Variants in GRK5 observed in about 807,000 individuals in gnomAD.
GRK5 encodes the protein g protein-coupled receptor kinase GRK5.
In GRK5, 40 loss-of-function variants were observed where a neutral mutation model predicts 78.4. The ratio of observed to expected loss-of-function variants is 0.51; its 90% CI spans 0.40 to 0.66. The LOEUF is 0.66. GRK5 is among the 30% of genes least tolerant of loss of function. The pLI is 0.00. For synonymous variants in GRK5, 289 were observed against 296.8 expected (o/e 0.97, Z 0.27); for missense variants, 598 against 759.9 (o/e 0.79, Z 2.50).
At chr10:119,423,072 G>A (rs1014269199) in intron 4 of GRK5, 94 bp from the exon 5 acceptor site, 1 of 786,882 alleles carries the variant, frequency 1.3e-6, no homozygotes, top group Non-Finnish European at 2.3e-6. Flanking sequence ...AGCACCTGGA[G>A]CGTGGCTGGT....
At chr10:119,261,029 A>T (rs61500242) in intron 1 of GRK5, among the ~76,000 whole-genome samples, 63 of 8,970 alleles carry the variant, frequency 7.0e-3, no homozygotes, top group South Asian at 8.1e-3. Flanking sequence ...CTGGCCGGGC[A>T]GGGGGCTGAC....
rs573081074 is a variant in GRK5, at chr10:119,297,791, A to G, written c.53-28725A>G. Among the ~76,000 whole-genome samples, 3 of 152,362 alleles carry G rather than the reference A, an allele frequency of 2.0e-5. No homozygotes were observed. The South Asian group carries it at 6.2e-4, about 32-fold the overall frequency. On this transcript the variant is annotated intron_variant, in intron 1 of 15. Coordinates refer to ENST00000392870, the MANE Select transcript of GRK5 (RefSeq NM_005308.3). Reference sequence around the variant, plus strand: ...CTTGGACTTCCCAGCCTCCAGAACCATGAAATAAATAAACCTCTGTTGTTT... The same window carrying G: ...CTTGGACTTCCCAGCCTCCAGAACCGTGAAATAAATAAACCTCTGTTGTTT...
chr10:119,408,341 C>CAAAAAA (rs67973033), intron 4 of GRK5, among the ~76,000 whole-genome samples: 1,154 of 48,038 alleles, frequency 0.024, 54 homozygotes, highest in Admixed American at 0.04. Context: ...AACCCTGTCT[C>CAAAAAA]AAAAAAAAAA....
chr10:119,454,720 C>T (rs1486857582), intron 15 of GRK5, among the ~76,000 whole-genome samples: 1 of 152,232 alleles, frequency 6.6e-6, no homozygotes, highest in Non-Finnish European at 1.5e-5. Context: ...CCCATGCCTG[C>T]AGGCTTAACC....
chr10:119,413,649 A>G (rs1271002872), intron 4 of GRK5, among the ~76,000 whole-genome samples: 1 of 152,058 alleles, frequency 6.6e-6, no homozygotes, highest in Non-Finnish European at 1.5e-5. Context: ...GAATGAGACC[A>G]CATTCCTCCT....
Position 119,207,924 on chromosome 10 carries a change from C to T in GRK5, c.7C>T (p.Leu3=). 1 of 1,603,266 alleles carries T rather than the reference C, an allele frequency of 6.2e-7. No homozygotes were observed. Among genetic ancestry groups the T allele is most frequent in the South Asian group, 1.1e-5 (1 of 89,664 alleles). ...TGCTGACCGCCGACTGTCAATGGAG[C>T]TGGAAAACATCGTGGCCAACACGGT... The part of the protein sequence containing the change: ME[L]ENIVANTVLL... The change falls in exon 1 of 16, where the codon CTG becomes TTG. Residue 3 remains leucine, a synonymous_variant. Coordinates refer to ENST00000392870, the MANE Select transcript of GRK5 (RefSeq NM_005308.3).
intron 1 of GRK5, among the ~76,000 whole-genome samples, chr10:119,313,026 ATGGCAG>A (rs1850396941): frequency 7.1e-6 from 1 of 141,328 alleles, no homozygotes. Context: ...GGTAGTGGTA[ATGGCAG>A]TGGTGATGGT....
intron 4 of GRK5, among the ~76,000 whole-genome samples, chr10:119,420,509 A>G (rs1852550217): frequency 6.6e-6 from 1 of 151,888 alleles, no homozygotes; most frequent in South Asian, 2.1e-4. Flanking sequence ...TACTGGAGAA[A>G]AAGTATTTTG....
At chr10:119,359,840 G>A (rs1255433844) in intron 2 of GRK5, among the ~76,000 whole-genome samples, 1 of 152,164 alleles carries the variant, frequency 6.6e-6, no homozygotes, top group Non-Finnish European at 1.5e-5. Context: ...GGGAGGTGTG[G>A]GTTCATGCAG....
rs1217788204 is a variant in GRK5, at chr10:119,246,735, C to T, written c.52+38766C>T. 3.3e-5 allele frequency among the ~76,000 whole-genome samples: 5 copies of T among 152,196 alleles called. No individual in the cohort carries two copies. The East Asian group carries it at 9.6e-4, about 29-fold the overall frequency. On this transcript the variant is annotated intron_variant, in intron 1 of 15. Coordinates refer to ENST00000392870, the MANE Select transcript of GRK5 (RefSeq NM_005308.3). ...AATTATGTCACGAATTTGGGATTAG[C>T]ATGGCATACCTAGTTGAGGTTTAAA...
intron 1 of GRK5, among the ~76,000 whole-genome samples, chr10:119,222,540 AC>A (rs1202246778): frequency 6.6e-6 from 1 of 152,096 alleles, no homozygotes; most frequent in African/African-American, 2.4e-5. Flanking sequence ...TACGGTTCCC[AC>A]CTGAGAATAG....
chr10:119,288,626 G>A lies in GRK5; in HGVS notation c.53-37890G>A, dbSNP rs184662081. Among the ~76,000 whole-genome samples, 109 of 152,302 alleles carry A rather than the reference G, an allele frequency of 7.2e-4. 2 individuals carry two copies. In the East Asian group the frequency reaches 0.02, roughly 28 times the overall value. On this transcript the variant is annotated intron_variant, in intron 1 of 15. Transcript: ENST00000392870. ...TGCTGCAGCAACATGGTGGGCTCTT[G>A]GCTGGCTGGAACGTGACCCCACACC...
At chr10:119,277,906 T>G (rs144821310) in intron 1 of GRK5, among the ~76,000 whole-genome samples, 1 of 152,352 alleles carries the variant, frequency 6.6e-6, no homozygotes, top group East Asian at 1.9e-4. Context: ...TCATCTACAC[T>G]GTTGGCGTAT....
chr10:119,419,120 C>T (rs868392790), intron 4 of GRK5, among the ~76,000 whole-genome samples: 35 of 152,320 alleles, frequency 2.3e-4, no homozygotes, highest in African/African-American at 7.5e-4. Context: ...TCCCCCCTCT[C>T]CCTTCTCCAG....
At chr10:119,401,862 G>T (rs1589789722) in intron 4 of GRK5, among the ~76,000 whole-genome samples, 1 of 152,196 alleles carries the variant, frequency 6.6e-6, no homozygotes, top group African/African-American at 2.4e-5. Context: ...ATTTATACTA[G>T]CTGCCACAAC....
chr10:119,440,890 G>T (rs1483266894), intron 10 of GRK5, among the ~76,000 whole-genome samples: 1 of 152,114 alleles, frequency 6.6e-6, no homozygotes, highest in African/African-American at 2.4e-5. Context: ...CACAGAGAAG[G>T]GCAAGGCAGC....
At chr10:119,365,515 G>T (rs1851433642) in intron 2 of GRK5, among the ~76,000 whole-genome samples, 1 of 152,204 alleles carries the variant, frequency 6.6e-6, no homozygotes, top group South Asian at 2.1e-4. Flanking sequence ...CTGAATAAGG[G>T]TCTGTATGCC....
At chr10:119,257,916 G>A (rs1849315810) in intron 1 of GRK5, among the ~76,000 whole-genome samples, 2 of 152,122 alleles carry the variant, frequency 1.3e-5, no homozygotes, top group Admixed American at 6.5e-5. Flanking sequence ...TCAGAGTGTT[G>A]CCTTCATTCT....
intron 1 of GRK5, among the ~76,000 whole-genome samples, chr10:119,224,582 GCA>G (rs1229921584): frequency 6.6e-6 from 1 of 151,754 alleles, no homozygotes; most frequent in East Asian, 1.9e-4. Flanking sequence ...GCTAACTTTT[GCA>G]TTTTTTTTTA....
Sources: gnomAD v4.1 joint callset for allele counts (sites outside exome capture counted in the v4.1 genomes callset) on GRCh38, gnomAD v4.1.1 for gene constraint, MANE v1.5 for transcripts, NCBI Gene and HGNC (gene_info 2026-07-23, HGNC 2026-07-21) for gene names.